Variants in CFAP99 observed in about 807,000 individuals in gnomAD.
CFAP99 encodes the protein cilia and flagella associated protein 99, also known as cilia- and flagella-associated protein 99.
A neutral mutation model predicts 82.7 loss-of-function variants in CFAP99; 84 were observed. The ratio of observed to expected loss-of-function variants is 1.02; its 90% CI spans 0.85 to 1.22. The LOEUF (loss-of-function observed/expected upper bound fraction) is 1.22, where lower values mean the gene tolerates loss of function less well. Ranked by LOEUF, CFAP99 falls within the 50% of genes most tolerant of loss-of-function variation. The probability of loss-of-function intolerance (pLI) is 0.00; values close to 1 mark genes in which losing one functional copy is unlikely to be tolerated. For missense variants in CFAP99, 1,059 were observed against 983.5 expected, an observed-to-expected ratio of 1.08 and a Z score of -1.03; for synonymous variants, 456 against 429.5, an observed-to-expected ratio of 1.06 and a Z score of -0.76.
intron 2 of CFAP99, among the ~76,000 whole-genome samples, chr4:2,433,951 G>T (rs576870962): frequency 6.6e-6 from 1 of 152,234 alleles, no homozygotes; most frequent in Non-Finnish European, 1.5e-5. Flanking sequence ...CGCCTGACCC[G>T]ACATCCATCT....
intron 1 of CFAP99, among the ~76,000 whole-genome samples, chr4:2,421,102 G>A (rs1017179167): frequency 6.6e-6 from 1 of 152,226 alleles, no homozygotes; most frequent in African/African-American, 2.4e-5. Context: ...GCTGCCACGT[G>A]GGGTTGTGCT....
intron 1 of CFAP99, among the ~76,000 whole-genome samples, chr4:2,425,400 C>T (rs2178136): frequency 0.02 from 3,103 of 152,260 alleles, 109 homozygotes; most frequent in African/African-American, 0.07. Context: ...AAGGACCCTC[C>T]AGTGTCAGTG....
exon 14 of CFAP99, chr4:2,460,042 C>T (rs989394776): frequency 1.1e-5 from 17 of 1,535,670 alleles, no homozygotes; most frequent in Non-Finnish European, 1.3e-5. Context: ...CACAGATCCC[C>T]GGCTACGGCC....
intron 14 of CFAP99, among the ~76,000 whole-genome samples, chr4:2,461,337 G>A (rs846253): frequency 0.86 from 130,741 of 152,188 alleles, 56,283 homozygotes; most frequent in African/African-American, 0.91. Context: ...CTCCGGAGAC[G>A]GTTTCTGAGT....
intron 4 of CFAP99, 54 bp from the exon 5 acceptor site, chr4:2,443,076 G>A (rs977496721): frequency 5.4e-5 from 56 of 1,033,438 alleles, no homozygotes; most frequent in African/African-American, 1.7e-4. Flanking sequence ...GACTTTGCCC[G>A]GTGAGGGGTT....
In CFAP99 at chr4:2,461,979, A is replaced by T. The variant is rs981443611; in HGVS notation, c.1662-464A>T. The stretch of plus-strand genomic sequence containing the variant: ...GTTAGTACACCTGTAATACTTTTTT[A>T]AAAAAATGTTAAGTTTAAAAAAAAA... On this transcript the variant is annotated intron_variant, in intron 14 of 14. Coordinates refer to ENST00000635017, the Ensembl canonical transcript of CFAP99. Among the ~76,000 whole-genome samples, 47 of 128,180 alleles carry T rather than the reference A, an allele frequency of 3.7e-4. 1 individual carries two copies. Among genetic ancestry groups the T allele is most frequent in the African/African-American group, 1.3e-3 (34 of 25,354 alleles). 84.1% of individuals were successfully genotyped at this position (128,180 alleles called of 152,430 possible).
intron 6 of CFAP99, 55 bp from the exon 7 acceptor site, chr4:2,449,615 C>A: frequency 6.8e-7 from 1 of 1,480,384 alleles, no homozygotes; most frequent in Non-Finnish European, 9.1e-7. Context: ...CATTTCTAGG[C>A]CCCCTCCCAC....
chr4:2,434,163 G>A (rs113088267), intron 2 of CFAP99, among the ~76,000 whole-genome samples: 5 of 152,228 alleles, frequency 3.3e-5, no homozygotes, highest in Non-Finnish European at 7.4e-5. Context: ...GGTTTCAGAT[G>A]CATTCATGTG....
chr4:2,452,145 T>C lies in CFAP99; in HGVS notation c.960T>C (p.Val320=), dbSNP rs1231762258. ...GCTTCTGTCCCTCTTTGCCCAGGGT[T>C]GATAAGCTCGTGGATGGGGCTGGGG... Residue 320 remains valine, a synonymous_variant, in exon 11 of 15, where the codon GTT becomes GTC. Transcript: ENST00000635017. 6 of 1,535,860 alleles carry C rather than the reference T, an allele frequency of 3.9e-6. No homozygotes were observed. The East Asian group carries it at 1.5e-4, about 38-fold the overall frequency.
intron 8 of CFAP99, chr4:2,450,338 T>G: frequency 2.7e-6 from 1 of 369,150 alleles, no homozygotes; most frequent in Non-Finnish European, 5.1e-6. Flanking sequence ...TGTTTGCCAA[T>G]AAAGAAAAAG....
rs375117180 is a variant in CFAP99, at chr4:2,462,657, T to G, written c.1876T>G (p.Trp626Gly). 7.8e-7 allele frequency: 1 copy of G among 1,274,748 alleles called. No individual in the cohort carries two copies. The highest frequency in any genetic ancestry group is 4.3e-5 in the Admixed American group (1 of 23,500). The allele number at this position is 1,274,748 out of a possible 1,614,324, so 79.0% of individuals were successfully genotyped here. A position where few individuals can be genotyped will look rare whatever the true frequency, so the allele number is the denominator to read the frequency against. Residue 626 changes from tryptophan to glycine, a missense_variant, in exon 15 of 15, where the codon TGG (tryptophan) becomes GGG (glycine). Coordinates refer to ENST00000635017, the Ensembl canonical transcript of CFAP99. This position sits in a 1 kb window ranked among gnomAD's most constrained non-coding sequence, Gnocchi z 4.1. ...CGGGCGACTGAAAGCCGGGGCCGGG[T>G]GGGGATGGCGGGCGCGGCGCGCAGG...
At chr4:2,452,338 A>G (rs1326667140) in exon 11 of CFAP99, 33 of 1,534,158 alleles carry the variant, frequency 2.2e-5, no homozygotes, top group Admixed American at 5.9e-5. Flanking sequence ...GGAGCAGCAG[A>G]AGGAGCAGGT....
At chr4:2,433,288 G>A (rs934335776) in intron 2 of CFAP99, among the ~76,000 whole-genome samples, 1 of 152,202 alleles carries the variant, frequency 6.6e-6, no homozygotes, top group Non-Finnish European at 1.5e-5. Flanking sequence ...GCCGGTGCCT[G>A]AGCCGGGGAG....
chr4:2,422,707 C>T lies in CFAP99; in HGVS notation c.-18+3614C>T, dbSNP rs1248919576. ...TGTATCCAGAGCAGATTCAAAAAGG[C>T]TGGGGCAAGGGGACCCCATCCCAGG... On this transcript the variant is annotated intron_variant, in intron 1 of 14. Coordinates refer to ENST00000635017, the Ensembl canonical transcript of CFAP99. Among the ~76,000 whole-genome samples the T allele has an allele frequency of 3.3e-5, 5 of 152,198 alleles. No homozygotes were observed. The East Asian group carries it at 9.6e-4, about 29-fold the overall frequency.
In CFAP99 at chr4:2,435,174, T is replaced by G. The variant is rs1025729804; in HGVS notation, c.112-1700T>G. On this transcript the variant is annotated intron_variant, in intron 2 of 14. Coordinates refer to ENST00000635017, the Ensembl canonical transcript of CFAP99. ...TAGCCAGGCGTGGGTGGCTGGAGCCTGTAGTCCCAGCTGTTCGGGAGGCTG... is the reference window on the plus strand; with the variant it reads ...TAGCCAGGCGTGGGTGGCTGGAGCCGGTAGTCCCAGCTGTTCGGGAGGCTG... 2.0e-5 allele frequency among the ~76,000 whole-genome samples: 3 copies of G among 151,850 alleles called. No individual in the cohort carries two copies. The South Asian group carries it at 6.2e-4, about 32-fold the overall frequency.
rs1171643348 is a variant in CFAP99 at position 2,462,829 on chromosome 4, A to G, written c.2048A>G (p.His683Arg). 2 of 1,377,228 alleles carry G rather than the reference A, an allele frequency of 1.5e-6. No individual in the cohort carries two copies. Among genetic ancestry groups the G allele is most frequent in the East Asian group, 3.2e-5 (1 of 31,230 alleles). The allele number at this position is 1,377,228 out of a possible 1,614,324, so 85.3% of individuals were successfully genotyped here. Residue 683 changes from histidine to arginine, a missense_variant, in exon 15 of 15, where the codon CAC becomes CGC. Physicochemically the swap from His to Arg is conservative, Grantham distance 29. Transcript: ENST00000635017. The surrounding 1 kb of genome is among the most constrained non-coding windows in gnomAD (Gnocchi z 4.1). Reference sequence around the variant, plus strand: ...CTGCAGGCGCAGCTAGAGGCGCAGCACTGGCTGGAGCTGGAGCGGAGCCGC... The same window carrying G: ...CTGCAGGCGCAGCTAGAGGCGCAGCGCTGGCTGGAGCTGGAGCGGAGCCGC...
chr4:2,461,867 G>A (rs1266864086), intron 14 of CFAP99, among the ~76,000 whole-genome samples: 1 of 152,156 alleles, frequency 6.6e-6, no homozygotes, highest in Non-Finnish European at 1.5e-5. Flanking sequence ...CAGCACCACA[G>A]CGTTAGCAGG....
At chr4:2,461,369 C>T (rs963241548) in intron 14 of CFAP99, among the ~76,000 whole-genome samples, 5 of 152,146 alleles carry the variant, frequency 3.3e-5, no homozygotes, top group South Asian at 2.1e-4. Context: ...TGGTGGATGG[C>T]GGGGCGGACA....
At chr4:2,458,773 G>A (rs1334593809) in exon 12 of CFAP99, 3 of 1,535,904 alleles carry the variant, frequency 2.0e-6, no homozygotes, top group African/African-American at 1.4e-5. Flanking sequence ...GGGAGGACAG[G>A]TCCAGGAAGG....
Sources: allele counts gnomAD v4.1 joint callset (sites outside exome capture counted in the v4.1 genomes callset), GRCh38; gene constraint gnomAD v4.1.1; non-coding constraint Gnocchi (gnomAD v3.1); transcripts MANE v1.5; gene names NCBI Gene and HGNC (gene_info 2026-07-23, HGNC 2026-07-21).